The following PARPBP variants were observed in gnomAD, a reference collection of about 807,000 sequenced individuals.
PARPBP encodes the protein PARP1 binding protein.
In PARPBP, 52 loss-of-function variants were observed where a neutral mutation model predicts 50.0. The ratio of observed to expected loss-of-function variants is 1.04; its 90% CI spans 0.83 to 1.31. The LOEUF is 1.31. Among genes scored for constraint, PARPBP ranks in the 50% most tolerant of loss-of-function variants. PARPBP has a pLI of 0.00. For synonymous variants in PARPBP, 244 were observed against 232.1 expected, an observed-to-expected ratio of 1.05 and a Z score of -0.47; for missense variants, 697 against 672.0, an observed-to-expected ratio of 1.04 and a Z score of -0.41.
At chr12:102,142,897 C>T (rs1884833479) in intron 2 of PARPBP, among the ~76,000 whole-genome samples, 2 of 152,208 alleles carry the variant, frequency 1.3e-5, no homozygotes, top group African/African-American at 4.8e-5. Flanking sequence ...TGTCAGTCGG[C>T]CCCTACTGGG....
chr12:102,192,193 C>T (rs1010615012), intron 9 of PARPBP, among the ~76,000 whole-genome samples: 9 of 152,066 alleles, frequency 5.9e-5, no homozygotes, highest in Non-Finnish European at 7.4e-5. Context: ...TCTAATTGAA[C>T]AGATCTTTTT....
chr12:102,156,845 A>G (rs992544253), intron 4 of PARPBP, among the ~76,000 whole-genome samples: 10 of 151,980 alleles, frequency 6.6e-5, no homozygotes, highest in East Asian at 2.0e-4. Flanking sequence ...TTTTACTATG[A>G]TGGTCAGGCT....
intron 4 of PARPBP, chr12:102,154,770 T>C (rs944964068): frequency 2.5e-5 from 11 of 433,894 alleles, no homozygotes; most frequent in Non-Finnish European, 4.1e-5. Context: ...CTGTCTTTTG[T>C]GGAGGAAAAT....
At chr12:102,140,408 A>G (rs1435928195) in intron 2 of PARPBP, among the ~76,000 whole-genome samples, 2 of 151,798 alleles carry the variant, frequency 1.3e-5, no homozygotes, top group Non-Finnish European at 2.9e-5. Context: ...TGGTCCATCA[A>G]TTTTGTTGAT....
Position 102,196,790 on chromosome 12 carries a change from T to C in PARPBP, c.*499T>C. The C allele has an allele frequency of 8.7e-7, 1 of 1,146,512 alleles. No individual in the cohort carries two copies. The highest frequency in any genetic ancestry group is 1.3e-6 in the Non-Finnish European group (1 of 770,788). The allele number at this position is 1,146,512 out of a possible 1,614,324, so 71.0% of individuals were successfully genotyped here. On this transcript the variant is annotated 3_prime_UTR_variant, in exon 11 of 11. Transcript: ENST00000327680. ...AAAAAAAGAATGGATCTAGTATAAC[T>C]AATTCTGAGTAAACCAAAATGATAA...
At chr12:102,120,587 A>G (rs1880865803) in intron 1 of PARPBP, 1 of 438,920 alleles carries the variant, frequency 2.3e-6, no homozygotes. Context: ...TTCTAGTCCC[A>G]CTATGTACAC....
rs79014530 is a variant in PARPBP at position 102,162,945 on chromosome 12, T to C, written c.496-1493T>C. 5.1e-3 allele frequency among the ~76,000 whole-genome samples: 784 copies of C among 152,372 alleles called. 7 individuals carry two copies. Among genetic ancestry groups the C allele is most frequent in the African/African-American group, 0.017 (724 of 41,594 alleles). ...TTTGCCTTATTCCAGGTCATGAAGA[T>C]TTTCTATTATGTTTTCTTTTAAAAG... On this transcript the variant is annotated intron_variant, in intron 4 of 10. Coordinates refer to ENST00000327680, the MANE Select transcript of PARPBP (RefSeq NM_017915.5).
At chr12:102,175,140 CTG>C (rs1432791909) in intron 6 of PARPBP, among the ~76,000 whole-genome samples, 1 of 152,116 alleles carries the variant, frequency 6.6e-6, no homozygotes, top group Non-Finnish European at 1.5e-5. Flanking sequence ...TGAGAGATAA[CTG>C]TTCTTGTTAT....
intron 9 of PARPBP, among the ~76,000 whole-genome samples, chr12:102,183,932 G>A (rs115193870): frequency 0.038 from 5,692 of 150,792 alleles, 151 homozygotes; most frequent in African/African-American, 0.069. Flanking sequence ...GAAATTAGCC[G>A]GGCACCTGTA....
At chr12:102,132,170 G>T (rs559609852) in intron 2 of PARPBP, among the ~76,000 whole-genome samples, 2 of 150,744 alleles carry the variant, frequency 1.3e-5, no homozygotes, top group Non-Finnish European at 2.9e-5. Context: ...ACGCCATTGC[G>T]TTCCAGTCTG....
chr12:102,175,393 A>G (rs1159757539), intron 6 of PARPBP, 90 bp from the exon 7 acceptor site: 2 of 781,008 alleles, frequency 2.6e-6, no homozygotes, highest in African/African-American at 3.5e-5. Flanking sequence ...TTCTTTGAAA[A>G]GTGTTAACTC....
rs553033185 is a variant in PARPBP, at chr12:102,174,554, GAT to G, written c.822-926_822-925del. Among the ~76,000 whole-genome samples, 1,106 of 152,314 alleles carry G rather than the reference GAT, an allele frequency of 7.3e-3. 9 individuals carry two copies. Among genetic ancestry groups the G allele is most frequent in the Non-Finnish European group, 0.01 (690 of 68,030 alleles). On this transcript the variant is annotated intron_variant, in intron 6 of 10. Coordinates refer to ENST00000327680, the MANE Select transcript of PARPBP (RefSeq NM_017915.5). ...CCAAGGTTGAAAGTGGCAGAGCTGT[GAT>G]ATGTGCTCAGGCAGCCTGACTTCAT...
intron 3 of PARPBP, among the ~76,000 whole-genome samples, chr12:102,153,013 A>C (rs1392877899): frequency 1.3e-5 from 2 of 151,920 alleles, no homozygotes; most frequent in East Asian, 3.9e-4. Flanking sequence ...TAATAATTTG[A>C]TATAAATATA....
At position 102,194,550 on chromosome 12, in the gene PARPBP, A is replaced by G. The variant is rs367636625; in HGVS notation, c.1264-762A>G. Among the ~76,000 whole-genome samples the G allele has an allele frequency of 1.1e-4, 17 of 152,016 alleles. 1 individual carries two copies. Among genetic ancestry groups the G allele is most frequent in the Admixed American group, 2.0e-4 (3 of 15,240 alleles). On this transcript the variant is annotated intron_variant, in intron 9 of 10. Transcript: ENST00000327680. Reference sequence around the variant, plus strand: ...GTTTGTGGAACAAATTTCCAAAACTACTTTTTTTGGCATCCTTTTCAGTGA... The same window carrying G: ...GTTTGTGGAACAAATTTCCAAAACTGCTTTTTTTGGCATCCTTTTCAGTGA...
intron 9 of PARPBP, among the ~76,000 whole-genome samples, chr12:102,189,066 C>T (rs567649407): frequency 2.0e-4 from 30 of 152,066 alleles, no homozygotes; most frequent in African/African-American, 6.5e-4. Context: ...TAACGTATGC[C>T]TAATTGGAGT....
intron 10 of PARPBP, 117 bp from the exon 11 acceptor site, chr12:102,195,834 T>G: frequency 1.6e-6 from 1 of 640,716 alleles, no homozygotes; most frequent in Non-Finnish European, 2.6e-6. Flanking sequence ...TATAGCATTA[T>G]TTTACTTTAA....
chr12:102,165,882 A>G lies in PARPBP; in HGVS notation c.820A>G (p.Ser274Gly). 2.6e-6 allele frequency: 4 copies of G among 1,519,676 alleles called. No individual in the cohort carries two copies. Among genetic ancestry groups the G allele is most frequent in the African/African-American group, 2.8e-5 (2 of 72,248 alleles). The allele number at this position is 1,519,676 out of a possible 1,614,324, so 94.1% of individuals were successfully genotyped here. A position where few individuals can be genotyped will look rare whatever the true frequency, so the allele number is the denominator to read the frequency against. Reference sequence around the variant, plus strand: ...GATTCTTGGAGAAATACCAAACCCAAGGTAATGACTTTTCATATATTACAA... The same window carrying G: ...GATTCTTGGAGAAATACCAAACCCAGGGTAATGACTTTTCATATATTACAA... ...DEILGEIPNP[S>G]IAGGQILSVI... The change falls in exon 6 of 11, where the codon AGC (serine) becomes GGC (glycine). Residue 274 changes from serine (S) to glycine (G), a missense_variant and splice_region_variant. Physicochemically the swap from Ser to Gly is moderately conservative, Grantham distance 56. Transcript: ENST00000327680.
chr12:102,121,816 T>G (rs1304328924), intron 1 of PARPBP, among the ~76,000 whole-genome samples: 1 of 152,144 alleles, frequency 6.6e-6, no homozygotes, highest in Non-Finnish European at 1.5e-5. Context: ...GGATTACAAG[T>G]GTGAACCACC....
chr12:102,195,357 G>C lies in PARPBP; in HGVS notation c.1309G>C (p.Asp437His). ...IRSQFACTYKDDYMISKDNWN... is the reference protein window; with the variant it reads ...IRSQFACTYKHDYMISKDNWN... ...ATCCCAATTTGCTTGTACTTATAAAGATGACTACATGATAAGCAAGGATAA... is the reference window on the plus strand; with the variant it reads ...ATCCCAATTTGCTTGTACTTATAAACATGACTACATGATAAGCAAGGATAA... The change falls in exon 10 of 11, where the codon GAT (aspartate) becomes CAT (histidine). Residue 437 changes from aspartate (D) to histidine (H), a missense_variant. Physicochemically the swap from Asp to His is moderately conservative, Grantham distance 81. Coordinates refer to ENST00000327680, the MANE Select transcript of PARPBP (RefSeq NM_017915.5). 6.3e-7 allele frequency: 1 copy of C among 1,585,912 alleles called. No individual in the cohort carries two copies.
Sources: allele counts gnomAD v4.1 joint callset (sites outside exome capture counted in the v4.1 genomes callset), GRCh38; gene constraint gnomAD v4.1.1; transcripts MANE v1.5; gene names NCBI Gene and HGNC (gene_info 2026-07-23, HGNC 2026-07-21).